KAZN: variants seen among roughly 807,000 people sequenced by gnomAD.
KAZN encodes kazrin.
Under a neutral mutation model 87.4 loss-of-function variants are expected in KAZN, and 40 were observed. That is an observed-to-expected ratio of 0.46 (90% CI 0.36 to 0.60). The LOEUF (loss-of-function observed/expected upper bound fraction) is 0.60, where lower values mean the gene tolerates loss of function less well. KAZN is among the 20% of genes least tolerant of loss of function. The pLI, the probability that KAZN is intolerant of heterozygous loss-of-function variation, is 0.00. For missense variants in KAZN, 898 were observed against 1,073.9 expected (o/e 0.84, Z 2.29); for synonymous variants, 466 against 458.3 (o/e 1.02, Z -0.22).
intron 1 of KAZN, among the ~76,000 whole-genome samples, chr1:13,904,145 A>T (rs552334826): frequency 6.6e-6 from 1 of 152,288 alleles, no homozygotes; most frequent in Admixed American, 6.5e-5. Flanking sequence ...CCAAAGAAGG[A>T]CTAGGGCAAG....
chr1:14,344,711 A>C (rs1399158329), intron 2 of KAZN, among the ~76,000 whole-genome samples: 1 of 152,246 alleles, frequency 6.6e-6, no homozygotes, highest in Non-Finnish European at 1.5e-5. Flanking sequence ...GGAAGAACTC[A>C]TCAAAATTAG....
At chr1:14,848,502 A>G (rs1649044211) in intron 1 of KAZN, among the ~76,000 whole-genome samples, 1 of 152,238 alleles carries the variant, frequency 6.6e-6, no homozygotes, top group Non-Finnish European at 1.5e-5. Context: ...GCCAATTATC[A>G]TTGCTAACCA....
chr1:13,995,235 A>AT (rs60087021), intron 1 of KAZN, among the ~76,000 whole-genome samples: 5 of 151,132 alleles, frequency 3.3e-5, no homozygotes, highest in Non-Finnish European at 7.4e-5. Context: ...AAAAAAAAAA[A>AT]TCCTAATGAT....
intron 7 of KAZN, among the ~76,000 whole-genome samples, chr1:15,063,945 G>A (rs1639023676): frequency 6.6e-6 from 1 of 152,232 alleles, no homozygotes; most frequent in Admixed American, 6.5e-5. Context: ...GCCTGAGCCA[G>A]TCTCAGCACC....
intron 1 of KAZN, among the ~76,000 whole-genome samples, chr1:14,619,396 C>T (rs1678513725): frequency 6.6e-6 from 1 of 151,734 alleles, no homozygotes; most frequent in African/African-American, 2.4e-5. Flanking sequence ...GACAGGGTCT[C>T]GCCATGGTGT....
At position 15,006,654 on chromosome 1, in the gene KAZN, C is replaced by A. The variant is rs566067740; in HGVS notation, c.419-28095C>A. 1.1e-3 allele frequency among the ~76,000 whole-genome samples: 170 copies of A among 152,242 alleles called. 4 individuals carry two copies. In the South Asian group the frequency reaches 0.034, roughly 31 times the overall value. ...AGCAGTTGACAAAACAGATAATAAACCAGAGAAATAAGTAAAATGTATGAT... is the reference window on the plus strand; with the variant it reads ...AGCAGTTGACAAAACAGATAATAAAACAGAGAAATAAGTAAAATGTATGAT... On this transcript the variant is annotated intron_variant, in intron 2 of 14. Transcript: ENST00000376030.
chr1:14,665,948 A>AAAAT (rs1553206139), intron 1 of KAZN, among the ~76,000 whole-genome samples: 1 of 151,816 alleles, frequency 6.6e-6, no homozygotes, highest in Non-Finnish European at 1.5e-5. Context: ...AAAAAAAAAA[A>AAAAT]AAAAATAACA....
At chr1:14,104,052 G>C (rs908286527) in intron 1 of KAZN, among the ~76,000 whole-genome samples, 1 of 152,214 alleles carries the variant, frequency 6.6e-6, no homozygotes, top group Non-Finnish European at 1.5e-5. Flanking sequence ...TGGAGACAGC[G>C]AAGACACTGC....
intron 1 of KAZN, among the ~76,000 whole-genome samples, chr1:13,903,304 TA>T (rs1210208926): frequency 1.3e-5 from 2 of 152,232 alleles, no homozygotes; most frequent in Non-Finnish European, 2.9e-5. Flanking sequence ...ATCTGTTTTC[TA>T]AGTATGTAAG....
At chr1:14,848,837 G>A (rs1208803290) in intron 1 of KAZN, among the ~76,000 whole-genome samples, 3 of 152,238 alleles carry the variant, frequency 2.0e-5, no homozygotes, top group Non-Finnish European at 4.4e-5. Flanking sequence ...GGCGGAGTTG[G>A]TGGAGACATC....
intron 1 of KAZN, among the ~76,000 whole-genome samples, chr1:14,901,144 G>A (rs1182166606): frequency 1.3e-5 from 2 of 152,134 alleles, no homozygotes; most frequent in Non-Finnish European, 2.9e-5. Context: ...AACTGGTCGG[G>A]GACAACTGGG....
In KAZN at chr1:15,117,445, ATCTG is replaced by A. The variant is rs200693084; in HGVS notation, c.*2820_*2823del. ...GCTGAGCCGGACCTTTCTTTTGGAA[ATCTG>A]TCTGTCTGTTGGCATCGCTGTTTTC... On this transcript the variant is annotated 3_prime_UTR_variant, in exon 15 of 15. Coordinates refer to ENST00000376030, the MANE Select transcript of KAZN (RefSeq NM_201628.3). 0.043 allele frequency: 6,524 copies of A among 152,342 alleles called. 190 individuals are homozygous for A. Among genetic ancestry groups the A allele is most frequent in the Non-Finnish European group, 0.064 (4,328 of 68,136 alleles). The allele number at this position is 152,342 out of a possible 1,614,324, so 9.4% of individuals were successfully genotyped here.
chr1:14,935,475 A>G (rs1371629142), intron 1 of KAZN, among the ~76,000 whole-genome samples: 3 of 152,116 alleles, frequency 2.0e-5, no homozygotes, highest in African/African-American at 7.2e-5. Context: ...AGGACCAGCA[A>G]CATCAGCAGT....
At chr1:14,734,005 C>A (rs1643805296) in intron 1 of KAZN, among the ~76,000 whole-genome samples, 1 of 152,178 alleles carries the variant, frequency 6.6e-6, no homozygotes, top group South Asian at 2.1e-4. Flanking sequence ...GGATGCCCTT[C>A]ATCTGGATAT....
At chr1:14,879,464 C>T (rs1653102380) in intron 1 of KAZN, among the ~76,000 whole-genome samples, 1 of 152,114 alleles carries the variant, frequency 6.6e-6, no homozygotes, top group African/African-American at 2.4e-5. Context: ...GTAAATAGTT[C>T]TAAGATGTTA....
chr1:14,465,894 T>C (rs926752933), intron 2 of KAZN, among the ~76,000 whole-genome samples: 18 of 152,342 alleles, frequency 1.2e-4, no homozygotes, highest in African/African-American at 4.3e-4. Flanking sequence ...AGTGGTCCCG[T>C]ATGATTATAA....
chr1:13,969,771 G>A (rs986843730), intron 1 of KAZN, among the ~76,000 whole-genome samples: 2 of 152,112 alleles, frequency 1.3e-5, no homozygotes, highest in African/African-American at 4.8e-5. Flanking sequence ...AAATGACTAG[G>A]ATGTGTGCCC....
chr1:14,339,001 T>A (rs1657483413), intron 2 of KAZN, among the ~76,000 whole-genome samples: 1 of 149,494 alleles, frequency 6.7e-6, no homozygotes, highest in African/African-American at 2.5e-5. Context: ...GATGTCACAG[T>A]TCGATTGCCC....
At chr1:14,294,723 T>A (rs918799812) in intron 2 of KAZN, among the ~76,000 whole-genome samples, 2 of 148,608 alleles carry the variant, frequency 1.3e-5, no homozygotes, top group Non-Finnish European at 3.0e-5. Flanking sequence ...TCAGGCCAAG[T>A]AGATTTTAAT....
Sources: allele counts gnomAD v4.1 joint callset (sites outside exome capture counted in the v4.1 genomes callset), GRCh38; gene constraint gnomAD v4.1.1; transcripts MANE v1.5; gene names NCBI Gene and HGNC (gene_info 2026-07-23, HGNC 2026-07-21).